Variants in LY6G6D observed in about 807,000 individuals in gnomAD.
The protein encoded by LY6G6D is lymphocyte antigen 6 complex locus protein G6d.
Under a neutral mutation model 8.5 loss-of-function variants are expected in LY6G6D, and 5 were observed. The observed-to-expected ratio is 0.59, with a 90% CI of 0.31 to 1.24. The LOEUF is 1.24. LY6G6D is among the 50% of genes most tolerant of loss of function. The pLI is 0.07. For synonymous variants in LY6G6D, 65 were observed against 69.6 expected (o/e 0.93, Z 0.33); for missense variants, 154 against 170.4 (o/e 0.90, Z 0.53).
rs1412794700 is a variant in LY6G6D at position 31,717,567 on chromosome 6, AT to A, written c.179-12del. 9.9e-6 allele frequency: 16 copies of A among 1,614,086 alleles called. No homozygotes were observed. Among genetic ancestry groups the A allele is most frequent in the African/African-American group, 2.7e-5 (2 of 74,924 alleles). On this transcript the variant is annotated splice_polypyrimidine_tract_variant and intron_variant, in intron 2 of 2. Transcript: ENST00000375825. This position sits in a 1 kb window ranked among gnomAD's most constrained non-coding sequence, Gnocchi z 5.0. ...GCCAGGAGTCCAACACCCCAGTTTC[AT>A]TCTCTCTCTCAGCCCCAGTGACCTT...
rs529072368 is a variant in LY6G6D at position 31,717,616 on chromosome 6, G to A, written c.214G>A (p.Val72Ile). The A allele has an allele frequency of 2.0e-4, 316 of 1,614,170 alleles. 3 individuals are homozygous for A. In the South Asian group the frequency reaches 2.9e-3, roughly 15 times the overall value. Reference protein sequence around the residue: ...VTLIHQHPACVAAHHCNQVET... With the variant: ...VTLIHQHPACIAAHHCNQVET... ...CTTGATTCACCAACATCCAGCCTGC[G>A]TCGCAGCCCATCATTGCAATCAAGT... Residue 72 changes from valine to isoleucine, a missense_variant, in exon 3 of 3, where the codon GTC (valine) becomes ATC (isoleucine). By Grantham distance (29) the Val-to-Ile change is conservative. Coordinates refer to ENST00000375825, the MANE Select transcript of LY6G6D (RefSeq NM_021246.4). The surrounding 1 kb of genome is among the most constrained non-coding windows in gnomAD (Gnocchi z 5.0).
chr6:31,715,787 C>T, intron 2 of LY6G6D, among the ~76,000 whole-genome samples, 163 bp downstream of exon 2: 1 of 152,162 alleles, frequency 6.6e-6, no homozygotes, highest in East Asian at 1.9e-4. Flanking sequence ...TGGCACGGAG[C>T]CCCTGAGAGG....
chr6:31,717,313 ATATT>A lies in LY6G6D; in HGVS notation c.179-260_179-257del. On this transcript the variant is annotated intron_variant, in intron 2 of 2. Coordinates refer to ENST00000375825, the MANE Select transcript of LY6G6D (RefSeq NM_021246.4). The surrounding 1 kb of genome is among the most constrained non-coding windows in gnomAD (Gnocchi z 5.0). ...AAATTATTTTATAGAATGTCCCTCG[ATATT>A]TATTTATCTGATATTTGCCATGATG... 3 of 645,922 alleles carry A rather than the reference ATATT, an allele frequency of 4.6e-6. No individual in the cohort carries two copies. The highest frequency in any genetic ancestry group is 4.6e-5 in the South Asian group (2 of 43,072). 40.0% of individuals were successfully genotyped at this position (645,922 alleles called of 1,614,324 possible). A position where few individuals can be genotyped will look rare whatever the true frequency, so the allele number is the denominator to read the frequency against.
chr6:31,715,725 G>A, intron 2 of LY6G6D, 101 bp downstream of exon 2: 2 of 1,512,680 alleles, frequency 1.3e-6, no homozygotes, highest in Admixed American at 2.0e-5. Flanking sequence ...GTCTGGCTCT[G>A]GGCAGATGGT....
Position 31,717,355 on chromosome 6 carries a change from T to C in LY6G6D, c.179-226T>C. Reference sequence around the variant, plus strand: ...ATTTGCCATGATGAGATTGAGGTCATGCATTTTAAGCAAGAATACTGCAGA... The same window carrying C: ...ATTTGCCATGATGAGATTGAGGTCACGCATTTTAAGCAAGAATACTGCAGA... On this transcript the variant is annotated intron_variant, in intron 2 of 2. Coordinates refer to ENST00000375825, the MANE Select transcript of LY6G6D (RefSeq NM_021246.4). This position sits in a 1 kb window ranked among gnomAD's most constrained non-coding sequence, Gnocchi z 5.0. 2 of 958,620 alleles carry C rather than the reference T, an allele frequency of 2.1e-6. No homozygotes were observed. The highest frequency in any genetic ancestry group is 3.1e-6 in the Non-Finnish European group (2 of 646,340). The allele number at this position is 958,620 out of a possible 1,614,324, so 59.4% of individuals were successfully genotyped here.
chr6:31,715,753 G>A, intron 2 of LY6G6D, 129 bp downstream of exon 2: 1 of 1,408,638 alleles, frequency 7.1e-7, no homozygotes, highest in Non-Finnish European at 9.4e-7. Flanking sequence ...TTAGAGGAGA[G>A]CAGTCTGTAC....
intron 1 of LY6G6D, 42 bp from the exon 2 acceptor site, chr6:31,715,460 T>C: frequency 6.2e-7 from 1 of 1,606,256 alleles, no homozygotes; most frequent in African/African-American, 1.3e-5. Flanking sequence ...GCCAGCCGGC[T>C]CCACCGAGGG....
At chr6:31,715,939 G>A (rs1484850565) in intron 2 of LY6G6D, among the ~76,000 whole-genome samples, 2 of 144,534 alleles carry the variant, frequency 1.4e-5, no homozygotes, top group Non-Finnish European at 3.0e-5. Flanking sequence ...ATTAGTTAAG[G>A]ACCAGGGAGG....
At chr6:31,715,466 G>A (rs749354205) in intron 1 of LY6G6D, 36 bp from the exon 2 acceptor site, 58 of 1,607,310 alleles carry the variant, frequency 3.6e-5, no homozygotes, top group Non-Finnish European at 4.7e-5. Flanking sequence ...CGGCTCCACC[G>A]AGGGCCCAGG....
Position 31,717,464 on chromosome 6 carries a change from G to A in LY6G6D, c.179-117G>A, listed in dbSNP as rs755210749. On this transcript the variant is annotated intron_variant, in intron 2 of 2. Transcript: ENST00000375825. The surrounding 1 kb of genome is among the most constrained non-coding windows in gnomAD (Gnocchi z 5.0). ...ACTTTGATCACTTGGTTTCAGGGAG[G>A]TGTTTTTTGAGGGGGCTGAAAATCC... 6.8e-6 allele frequency: 11 copies of A among 1,609,708 alleles called. No individual in the cohort carries two copies. The highest frequency in any genetic ancestry group is 9.3e-6 in the Non-Finnish European group (11 of 1,177,920).
chr6:31,715,543 A>G lies in LY6G6D; in HGVS notation c.97A>G (p.Ser33Gly). 1 of 1,612,998 alleles carries G rather than the reference A, an allele frequency of 6.2e-7. No individual in the cohort carries two copies. The highest frequency in any genetic ancestry group is 8.5e-7 in the Non-Finnish European group (1 of 1,180,030). ...CTACAACTGTGGTGGAAGCCCCAGCAGTTCTTGCAAAGAGGCCGTGACCAC... is the reference window on the plus strand; with the variant it reads ...CTACAACTGTGGTGGAAGCCCCAGCGGTTCTTGCAAAGAGGCCGTGACCAC... ...RCYNCGGSPS[S>G]SCKEAVTTCG... The change falls in exon 2 of 3, where the codon AGT (serine) becomes GGT (glycine). Residue 33 changes from serine (S) to glycine (G), a missense_variant. Transcript: ENST00000375825.
At position 31,717,214 on chromosome 6, in the gene LY6G6D, C is replaced by T. The variant is rs1373636828; in HGVS notation, c.179-367C>T. Among the ~76,000 whole-genome samples the T allele has an allele frequency of 6.8e-6, 1 of 148,100 alleles. No individual in the cohort carries two copies. ...GCGGTGAGCCGAGATCACACCATTG[C>T]ACTCCAGCTGGGCAATAAGAGTGAA... On this transcript the variant is annotated intron_variant, in intron 2 of 2. Transcript: ENST00000375825. The surrounding 1 kb of genome is among the most constrained non-coding windows in gnomAD (Gnocchi z 5.0).
chr6:31,717,464 GT>G lies in LY6G6D; in HGVS notation c.179-116del, dbSNP rs758854566. ...ACTTTGATCACTTGGTTTCAGGGAG[GT>G]GTTTTTTGAGGGGGCTGAAAATCCC... On this transcript the variant is annotated intron_variant, in intron 2 of 2. Transcript: ENST00000375825. This position sits in a 1 kb window ranked among gnomAD's most constrained non-coding sequence, Gnocchi z 5.0. 6.2e-7 allele frequency: 1 copy of G among 1,609,826 alleles called. No individual in the cohort carries two copies. Among genetic ancestry groups the G allele is most frequent in the South Asian group, 1.1e-5 (1 of 90,406 alleles).
chr6:31,715,568 C>T lies in LY6G6D; in HGVS notation c.122C>T (p.Thr41Ile), dbSNP rs769015501. 31 of 1,612,962 alleles carry T rather than the reference C, an allele frequency of 1.9e-5. No homozygotes were observed. The highest frequency in any genetic ancestry group is 2.5e-5 in the Non-Finnish European group (29 of 1,180,042). Reference protein sequence around the residue: ...PSSSCKEAVTTCGEGRPQPGL... With the variant: ...PSSSCKEAVTICGEGRPQPGL... ...AGTTCTTGCAAAGAGGCCGTGACCA[C>T]CTGTGGCGAGGGCAGACCCCAGCCA... The change falls in exon 2 of 3, where the codon ACC (threonine) becomes ATC (isoleucine). Residue 41 changes from threonine (T) to isoleucine (I), a missense_variant. By Grantham distance (89) the Thr-to-Ile change is moderately conservative. Transcript: ENST00000375825.
chr6:31,717,884 C>T lies in LY6G6D; in HGVS notation c.*80C>T. The stretch of plus-strand genomic sequence containing the variant: ...ACATCTAATGTGAGAAGAGAAACAT[C>T]CTTCTGTGAGTCATTAAAATCTATG... On this transcript the variant is annotated 3_prime_UTR_variant, in exon 3 of 3. Coordinates refer to ENST00000375825, the MANE Select transcript of LY6G6D (RefSeq NM_021246.4). This position sits in a 1 kb window ranked among gnomAD's most constrained non-coding sequence, Gnocchi z 5.0. The T allele has an allele frequency of 3.3e-6, 5 of 1,509,036 alleles. No individual in the cohort carries two copies. Among genetic ancestry groups the T allele is most frequent in the Non-Finnish European group, 4.4e-6 (5 of 1,135,268 alleles). 93.5% of individuals were successfully genotyped at this position (1,509,036 alleles called of 1,614,324 possible).
chr6:31,716,968 G>C lies in LY6G6D; in HGVS notation c.179-613G>C, dbSNP rs183594073. 6.7e-6 allele frequency among the ~76,000 whole-genome samples: 1 copy of C among 149,966 alleles called. No homozygotes were observed. Among genetic ancestry groups the C allele is most frequent in the South Asian group, 2.1e-4 (1 of 4,706 alleles). The stretch of plus-strand genomic sequence containing the variant: ...CATTTTTAGATTAAACAAAAATTAC[G>C]TGCCGGATGCAGTGGCTCACGCCTG... On this transcript the variant is annotated intron_variant, in intron 2 of 2. Coordinates refer to ENST00000375825, the MANE Select transcript of LY6G6D (RefSeq NM_021246.4). The surrounding 1 kb of genome is among the most constrained non-coding windows in gnomAD (Gnocchi z 5.1).
chr6:31,717,033 C>G lies in LY6G6D; in HGVS notation c.179-548C>G, dbSNP rs569289511. 6.6e-6 allele frequency among the ~76,000 whole-genome samples: 1 copy of G among 152,258 alleles called. No homozygotes were observed. The highest frequency in any genetic ancestry group is 1.9e-4 in the East Asian group (1 of 5,178). On this transcript the variant is annotated intron_variant, in intron 2 of 2. Coordinates refer to ENST00000375825, the MANE Select transcript of LY6G6D (RefSeq NM_021246.4). This position sits in a 1 kb window ranked among gnomAD's most constrained non-coding sequence, Gnocchi z 5.0. ...TGGGAGGCCAAGGCGGGTGGATAACCTGAGGTCGGGAGTTCAAGACCAGCC... is the reference window on the plus strand; with the variant it reads ...TGGGAGGCCAAGGCGGGTGGATAACGTGAGGTCGGGAGTTCAAGACCAGCC...
chr6:31,715,468 G>A lies in LY6G6D; in HGVS notation c.56-34G>A. ...GCCTTCTGCCAGCCGGCTCCACCGA[G>A]GGCCCAGGTCCAGCGCCTCTTTTCT... On this transcript the variant is annotated intron_variant, in intron 1 of 2. Coordinates refer to ENST00000375825, the MANE Select transcript of LY6G6D (RefSeq NM_021246.4). The A allele has an allele frequency of 2.5e-6, 4 of 1,607,518 alleles. No individual in the cohort carries two copies. The South Asian group carries it at 3.3e-5, about 13-fold the overall frequency.
At chr6:31,715,666 C>T (rs11575849) in intron 2 of LY6G6D, 42 bp downstream of exon 2, 34,069 of 1,602,736 alleles carry the variant, frequency 0.021, 1,151 homozygotes, top group South Asian at 0.13. Context: ...CCTTTCCCTG[C>T]CTCCAGCCCC....
Sources: allele counts gnomAD v4.1 joint callset (sites outside exome capture counted in the v4.1 genomes callset), GRCh38; gene constraint gnomAD v4.1.1; non-coding constraint Gnocchi (gnomAD v3.1); transcripts MANE v1.5; gene names NCBI Gene and HGNC (gene_info 2026-07-23, HGNC 2026-07-21).